The following XKR4 variants were observed in gnomAD, a reference collection of about 807,000 sequenced individuals.
The protein encoded by XKR4 is XK-related protein 4.
XKR4 carries 12 observed loss-of-function variants against 53.9 expected under a neutral mutation model. The observed-to-expected ratio is 0.22, with a 90% confidence interval of 0.14 to 0.36. XKR4 has a LOEUF of 0.36. Ranked by LOEUF, XKR4 falls within the 10% of genes least tolerant of loss-of-function variation. The pLI, the probability that XKR4 is intolerant of heterozygous loss-of-function variation, is 1.00. For missense variants in XKR4, 799 were observed against 859.5 expected (o/e 0.93, Z 0.88); for synonymous variants, 354 against 362.4 (o/e 0.98, Z 0.26).
At chr8:55,213,564 ATTTG>A (rs71554200) in intron 1 of XKR4, among the ~76,000 whole-genome samples, 23,449 of 152,086 alleles carry the variant, frequency 0.15, 2,119 homozygotes, top group Non-Finnish European at 0.21. Flanking sequence ...GTTGTGACTA[ATTTG>A]TTAGTTAGAC....
At chr8:55,323,618 A>G (rs939662221) in intron 1 of XKR4, among the ~76,000 whole-genome samples, 1 of 152,184 alleles carries the variant, frequency 6.6e-6, no homozygotes, top group African/African-American at 2.4e-5. Flanking sequence ...GGTTGTTTCC[A>G]GGTTTGGGTA....
At chr8:55,122,842 T>G (rs1317458920) in intron 1 of XKR4, among the ~76,000 whole-genome samples, 1 of 152,068 alleles carries the variant, frequency 6.6e-6, no homozygotes, top group Non-Finnish European at 1.5e-5. Flanking sequence ...AAACCTGTAG[T>G]CACCTGAGGA....
intron 1 of XKR4, among the ~76,000 whole-genome samples, chr8:55,293,691 T>C (rs567007018): frequency 2.6e-5 from 4 of 152,272 alleles, no homozygotes; most frequent in African/African-American, 9.6e-5. Context: ...TTAAGGAAAA[T>C]ATTCTATTCT....
Position 55,532,549 on chromosome 8 carries a change from A to G in XKR4, c.*8322A>G, listed in dbSNP as rs181978437. ...AGTGGCTCACGCCTGTAATCCCAAC[A>G]CTTTGGGAGGCTGAGGCGGGCGGAT... On this transcript the variant is annotated 3_prime_UTR_variant, in exon 3 of 3. Transcript: ENST00000327381. 0.011 allele frequency: 1,743 copies of G among 152,264 alleles called. 18 individuals carry two copies. The highest frequency in any genetic ancestry group is 0.027 in the Middle Eastern group (8 of 294). 9.4% of individuals were successfully genotyped at this position (152,264 alleles called of 1,614,324 possible).
At chr8:55,109,941 A>G (rs2129350824) in intron 1 of XKR4, among the ~76,000 whole-genome samples, 1 of 152,336 alleles carries the variant, frequency 6.6e-6, no homozygotes, top group East Asian at 1.9e-4. Context: ...TAGTCCACCT[A>G]TGAATTTAAG....
chr8:55,150,596 G>A (rs1048075940), intron 1 of XKR4, among the ~76,000 whole-genome samples: 5 of 152,038 alleles, frequency 3.3e-5, no homozygotes, highest in Admixed American at 1.3e-4. Context: ...GCACCTGTCC[G>A]TCCTTCTTCC....
At chr8:55,446,812 G>C (rs1382846659) in intron 2 of XKR4, among the ~76,000 whole-genome samples, 1 of 152,230 alleles carries the variant, frequency 6.6e-6, no homozygotes, top group Non-Finnish European at 1.5e-5. Flanking sequence ...GATTCCTGCA[G>C]TTATCCAAGG....
chr8:55,254,197 G>T (rs35581786), intron 1 of XKR4, among the ~76,000 whole-genome samples: 4,856 of 151,946 alleles, frequency 0.032, 135 homozygotes, highest in African/African-American at 0.072. Flanking sequence ...GATATATATA[G>T]AGAGAGAGAT....
At chr8:55,518,442 C>T (rs1490425291) in intron 2 of XKR4, among the ~76,000 whole-genome samples, 1 of 152,104 alleles carries the variant, frequency 6.6e-6, no homozygotes, top group East Asian at 1.9e-4. Context: ...TTGCAATGCT[C>T]AAGGGGACAG....
At chr8:55,447,975 A>G (rs1281254590) in intron 2 of XKR4, among the ~76,000 whole-genome samples, 4 of 152,164 alleles carry the variant, frequency 2.6e-5, no homozygotes, top group African/African-American at 9.7e-5. Context: ...TTGGCGAGTG[A>G]ATGACACTGA....
chr8:55,191,684 TC>T (rs139007850), intron 1 of XKR4, among the ~76,000 whole-genome samples: 2,101 of 123,294 alleles, frequency 0.017, 50 homozygotes, highest in African/African-American at 0.062. Flanking sequence ...TTAGTACAAT[TC>T]TTTTTTTTTT....
rs112915550 is a variant in XKR4 at position 55,462,983 on chromosome 8, T to G, written c.1007-60298T>G. ...CACCCAGATTCATAAAGCAAGTCCT[T>G]AGTGACCTACAAAGAGACTTACACT... On this transcript the variant is annotated intron_variant, in intron 2 of 2. Coordinates refer to ENST00000327381, the MANE Select transcript of XKR4 (RefSeq NM_052898.2). Among the ~76,000 whole-genome samples the G allele has an allele frequency of 2.9e-3, 449 of 152,244 alleles. 4 individuals are homozygous for G. Among genetic ancestry groups the G allele is most frequent in the African/African-American group, 0.01 (421 of 41,538 alleles).
chr8:55,482,312 C>G (rs1052862885), intron 2 of XKR4, among the ~76,000 whole-genome samples: 14 of 152,092 alleles, frequency 9.2e-5, no homozygotes, highest in African/African-American at 3.1e-4. Flanking sequence ...AACCAAACAC[C>G]GTATGTTCTC....
chr8:55,362,178 CTT>C (rs1350928545), intron 2 of XKR4, among the ~76,000 whole-genome samples: 1 of 152,106 alleles, frequency 6.6e-6, no homozygotes, highest in Non-Finnish European at 1.5e-5. Context: ...ACCAGGGAAT[CTT>C]ATGGAAAAGC....
intron 2 of XKR4, among the ~76,000 whole-genome samples, chr8:55,521,768 T>C (rs1181295771): frequency 6.6e-6 from 1 of 152,214 alleles, no homozygotes; most frequent in Non-Finnish European, 1.5e-5. Flanking sequence ...AGTGTGGTCT[T>C]TTTCCACAAG....
At chr8:55,227,536 G>T (rs887492730) in intron 1 of XKR4, among the ~76,000 whole-genome samples, 9 of 152,174 alleles carry the variant, frequency 5.9e-5, no homozygotes, top group Admixed American at 2.6e-4. Flanking sequence ...AAGCCCAGGC[G>T]CTCTCCACTT....
intron 2 of XKR4, among the ~76,000 whole-genome samples, chr8:55,471,000 T>C (rs1805872967): frequency 6.6e-6 from 1 of 152,114 alleles, no homozygotes; most frequent in African/African-American, 2.4e-5. Context: ...AGAAGAAATG[T>C]GAATAGACTT....
chr8:55,295,925 G>A (rs952933995), intron 1 of XKR4, among the ~76,000 whole-genome samples: 5 of 152,066 alleles, frequency 3.3e-5, no homozygotes, highest in Admixed American at 1.3e-4. Context: ...AATACTGATT[G>A]AATAGCATAA....
At chr8:55,503,096 A>C (rs1394886498) in intron 2 of XKR4, among the ~76,000 whole-genome samples, 1 of 152,000 alleles carries the variant, frequency 6.6e-6, no homozygotes, top group Non-Finnish European at 1.5e-5. Context: ...TGTTTTGATT[A>C]CTGTAGCTTT....
Sources: gnomAD v4.1 joint callset for allele counts (sites outside exome capture counted in the v4.1 genomes callset) on GRCh38, gnomAD v4.1.1 for gene constraint, MANE v1.5 for transcripts, NCBI Gene and HGNC (gene_info 2026-07-23, HGNC 2026-07-21) for gene names.